Variants in ROBO2 observed in about 807,000 individuals in gnomAD.
ROBO2 encodes roundabout homolog 2.
Under a neutral mutation model 160.8 loss-of-function variants are expected in ROBO2, and 53 were observed. The ratio of observed to expected loss-of-function variants is 0.33; its 90% CI spans 0.26 to 0.41. The LOEUF is 0.41. Among genes scored for constraint, ROBO2 ranks in the 10% least tolerant of loss-of-function variants. The pLI, the probability that ROBO2 is intolerant of heterozygous loss-of-function variation, is 1.00. For synonymous variants in ROBO2, 664 were observed against 611.7 expected (o/e 1.09, Z -1.26); for missense variants, 1,577 against 1,722.4 (o/e 0.92, Z 1.49).
chr3:77,007,561 C>T (rs919752914), intron 2 of ROBO2, among the ~76,000 whole-genome samples: 3 of 152,024 alleles, frequency 2.0e-5, no homozygotes, highest in Non-Finnish European at 2.9e-5. Context: ...GGGACTTTTA[C>T]TATAGACGAT....
intron 2 of ROBO2, among the ~76,000 whole-genome samples, chr3:76,334,877 T>A (rs2073756962): frequency 6.6e-6 from 1 of 152,132 alleles, no homozygotes; most frequent in South Asian, 2.1e-4. Flanking sequence ...CACTATAATT[T>A]TAAAAGGCTA....
intron 2 of ROBO2, among the ~76,000 whole-genome samples, chr3:76,566,026 T>A (rs1560159486): frequency 6.6e-6 from 1 of 152,296 alleles, no homozygotes; most frequent in East Asian, 1.9e-4. Flanking sequence ...TGTGAGCATG[T>A]ACTTGGGGAG....
At chr3:76,432,688 C>A (rs1260531498) in intron 2 of ROBO2, among the ~76,000 whole-genome samples, 1 of 152,116 alleles carries the variant, frequency 6.6e-6, no homozygotes, top group Non-Finnish European at 1.5e-5. Context: ...CCTTTAAAGA[C>A]CTTGCCTTGG....
At chr3:77,264,464 G>C (rs747013066) in intron 2 of ROBO2, among the ~76,000 whole-genome samples, 1 of 152,110 alleles carries the variant, frequency 6.6e-6, no homozygotes, top group Non-Finnish European at 1.5e-5. Context: ...TTTGGAGAAA[G>C]ATAGTAATTT....
At chr3:77,280,966 A>T (rs180854820) in intron 2 of ROBO2, among the ~76,000 whole-genome samples, 1 of 152,322 alleles carries the variant, frequency 6.6e-6, no homozygotes, top group Admixed American at 6.5e-5. Context: ...ACCTGAACAG[A>T]GTGGAAAATA....
chr3:76,868,114 A>G (rs1269649368), intron 2 of ROBO2, among the ~76,000 whole-genome samples: 1 of 152,130 alleles, frequency 6.6e-6, no homozygotes, highest in Admixed American at 6.5e-5. Flanking sequence ...ATGGGCATCT[A>G]TTTTCAGGCA....
chr3:75,980,311 A>G (rs1250849105), intron 2 of ROBO2, among the ~76,000 whole-genome samples: 1 of 151,574 alleles, frequency 6.6e-6, no homozygotes, highest in African/African-American at 2.4e-5. Flanking sequence ...AAAACACTTC[A>G]GCGTCTTTAG....
chr3:76,837,025 A>ATAT (rs2067763253), intron 2 of ROBO2, among the ~76,000 whole-genome samples: 1 of 151,832 alleles, frequency 6.6e-6, no homozygotes, highest in Non-Finnish European at 1.5e-5. Context: ...ATTATATTAT[A>ATAT]TATTATGTTA....
At chr3:76,995,272 C>A (rs1404440498) in intron 2 of ROBO2, among the ~76,000 whole-genome samples, 4 of 152,154 alleles carry the variant, frequency 2.6e-5, no homozygotes, top group African/African-American at 9.7e-5. Flanking sequence ...CTACAAAGGA[C>A]ATTAACTCAT....
chr3:76,869,474 C>G (rs1323502918), intron 2 of ROBO2, among the ~76,000 whole-genome samples: 1 of 151,216 alleles, frequency 6.6e-6, no homozygotes, highest in Non-Finnish European at 1.5e-5. Context: ...CTCAGCCTCC[C>G]GAGTAGCTGG....
At chr3:77,404,378 G>T (rs2076088356) in intron 2 of ROBO2, among the ~76,000 whole-genome samples, 1 of 152,038 alleles carries the variant, frequency 6.6e-6, no homozygotes, top group Admixed American at 6.6e-5. Context: ...TCTAACAGTT[G>T]TTGGACAACT....
intron 2 of ROBO2, among the ~76,000 whole-genome samples, chr3:76,102,577 C>T (rs1302371605): frequency 6.6e-6 from 1 of 152,022 alleles, no homozygotes; most frequent in Non-Finnish European, 1.5e-5. Flanking sequence ...ATAAAATGTT[C>T]TACAGTAAGG....
chr3:77,066,607 A>C (rs2149804305), intron 1 of ROBO2, among the ~76,000 whole-genome samples: 1 of 152,286 alleles, frequency 6.6e-6, no homozygotes, highest in African/African-American at 2.4e-5. Flanking sequence ...AACAGTAGGG[A>C]AATAAGTTAA....
At chr3:77,093,536 A>G (rs919301232) in intron 1 of ROBO2, among the ~76,000 whole-genome samples, 4 of 152,104 alleles carry the variant, frequency 2.6e-5, no homozygotes, top group African/African-American at 9.6e-5. Flanking sequence ...CCAACCCCAC[A>G]CCACCACTAC....
intron 2 of ROBO2, among the ~76,000 whole-genome samples, chr3:76,406,072 ATATT>A (rs2078108038): frequency 1.3e-5 from 2 of 151,750 alleles, no homozygotes; most frequent in Non-Finnish European, 2.9e-5. Flanking sequence ...ACCAAGAATT[ATATT>A]TATTACACAA....
intron 2 of ROBO2, among the ~76,000 whole-genome samples, chr3:77,312,588 T>G (rs62251216): frequency 0.055 from 8,312 of 152,262 alleles, 711 homozygotes; most frequent in African/African-American, 0.18. Flanking sequence ...TATTTTTAAA[T>G]ATTTTTGAGT....
intron 2 of ROBO2, among the ~76,000 whole-genome samples, chr3:76,019,579 C>T (rs1160473943): frequency 6.6e-6 from 1 of 151,326 alleles, no homozygotes; most frequent in Non-Finnish European, 1.5e-5. Flanking sequence ...ACTGTATATT[C>T]CTTGGAATTG....
chr3:77,297,525 C>G (rs1021345314), intron 2 of ROBO2, among the ~76,000 whole-genome samples: 1 of 152,082 alleles, frequency 6.6e-6, no homozygotes, highest in Non-Finnish European at 1.5e-5. Context: ...AGGAAACTCC[C>G]TCCGGAATGC....
chr3:76,802,665 T>C (rs956449047), intron 2 of ROBO2, among the ~76,000 whole-genome samples: 9 of 151,520 alleles, frequency 5.9e-5, no homozygotes, highest in East Asian at 2.0e-4. Context: ...GAGGCGGAGC[T>C]TGCAGTGAGC....
Sources: allele counts gnomAD v4.1 joint callset (sites outside exome capture counted in the v4.1 genomes callset), GRCh38; gene constraint gnomAD v4.1.1; transcripts MANE v1.5; gene names NCBI Gene and HGNC (gene_info 2026-07-23, HGNC 2026-07-21).